CORO2A: variants seen among roughly 807,000 people sequenced by gnomAD.
CORO2A encodes coronin 2A.
A neutral mutation model predicts 62.4 loss-of-function variants in CORO2A; 47 were observed. That is an observed-to-expected ratio of 0.75 (90% CI 0.60 to 0.96). CORO2A has a LOEUF of 0.96. CORO2A is among the 40% of genes least tolerant of loss of function. CORO2A has a pLI of 0.00. For synonymous variants in CORO2A, 273 were observed against 268.9 expected (o/e 1.02, Z -0.15); for missense variants, 610 against 684.1 (o/e 0.89, Z 1.21).
intron 2 of CORO2A, among the ~76,000 whole-genome samples, chr9:98,146,409 G>T (rs759625733): frequency 1.6e-4 from 25 of 152,196 alleles, no homozygotes; most frequent in Non-Finnish European, 3.1e-4. Context: ...ACAGGCAAGA[G>T]GGAGGGACCC....
At chr9:98,163,659 AG>A (rs1827917990) in intron 1 of CORO2A, among the ~76,000 whole-genome samples, 1 of 151,980 alleles carries the variant, frequency 6.6e-6, no homozygotes. Flanking sequence ...GGACTAGTTG[AG>A]AGACCCCTCT....
intron 6 of CORO2A, among the ~76,000 whole-genome samples, 198 bp downstream of exon 6, chr9:98,131,986 TG>T (rs1268436499): frequency 2.6e-5 from 4 of 152,056 alleles, no homozygotes; most frequent in Non-Finnish European, 5.9e-5. Flanking sequence ...TCTCCCTCCT[TG>T]GGTGGCAAGA....
chr9:98,180,092 C>G (rs998928996), intron 1 of CORO2A, among the ~76,000 whole-genome samples: 1 of 152,184 alleles, frequency 6.6e-6, no homozygotes, highest in Non-Finnish European at 1.5e-5. Context: ...CAATTCTAAA[C>G]AACGTCAGTG....
chr9:98,142,446 C>T (rs1300189683), intron 2 of CORO2A, among the ~76,000 whole-genome samples: 1 of 152,130 alleles, frequency 6.6e-6, no homozygotes, highest in Non-Finnish European at 1.5e-5. Flanking sequence ...ACAGCCTTTC[C>T]TTTCTCTGGG....
At chr9:98,131,236 A>C (rs1164662705) in intron 6 of CORO2A, among the ~76,000 whole-genome samples, 177 bp from the exon 7 acceptor site, 6 of 151,930 alleles carry the variant, frequency 3.9e-5, no homozygotes, top group African/African-American at 1.5e-4. Flanking sequence ...CTTGAGTTCC[A>C]ATGTGTGGGC....
chr9:98,171,377 C>T (rs960811607), intron 1 of CORO2A, among the ~76,000 whole-genome samples: 7 of 152,304 alleles, frequency 4.6e-5, no homozygotes, highest in African/African-American at 1.7e-4. Flanking sequence ...GCCTCAGGGA[C>T]CTGGGGCCCA....
At chr9:98,160,250 T>C (rs965599562) in intron 1 of CORO2A, among the ~76,000 whole-genome samples, 1 of 151,802 alleles carries the variant, frequency 6.6e-6, no homozygotes, top group Non-Finnish European at 1.5e-5. Flanking sequence ...CTCACAAAAA[T>C]AGAACACAAG....
At position 98,140,442 on chromosome 9, in the gene CORO2A, G is replaced by GTT. The variant is rs751439267; in HGVS notation, c.202-2756_202-2755dup. ...CATCTGTGTAGAGACCACTGTACTTGTTTTTTTTTTTTTTAAGAGACAGGG... is the reference window on the plus strand; with the variant it reads ...CATCTGTGTAGAGACCACTGTACTTGTTTTTTTTTTTTTTTTAAGAGACAGGG... On this transcript the variant is annotated intron_variant, in intron 2 of 11. Transcript: ENST00000375077. Among the ~76,000 whole-genome samples, 7 of 141,400 alleles carry GTT rather than the reference G, an allele frequency of 5.0e-5. No individual in the cohort carries two copies. In the East Asian group the frequency reaches 6.2e-4, roughly 12 times the overall value. The allele number at this position is 141,400 out of a possible 152,430, so 92.8% of individuals were successfully genotyped here. A position where few individuals can be genotyped will look rare whatever the true frequency, so the allele number is the denominator to read the frequency against.
chr9:98,166,223 A>C (rs1332614765), intron 1 of CORO2A, among the ~76,000 whole-genome samples: 1 of 152,228 alleles, frequency 6.6e-6, no homozygotes, highest in Non-Finnish European at 1.5e-5. Flanking sequence ...TCAAAATGCA[A>C]CAAAGACCTA....
At chr9:98,129,178 C>A (rs1229938178) in intron 8 of CORO2A, among the ~76,000 whole-genome samples, 1 of 152,172 alleles carries the variant, frequency 6.6e-6, no homozygotes, top group Admixed American at 6.5e-5. Flanking sequence ...CCAGCTTTGG[C>A]CTCCCAAAGT....
intron 2 of CORO2A, 163 bp downstream of exon 2, chr9:98,157,297 T>C: frequency 1.5e-6 from 1 of 658,336 alleles, no homozygotes; most frequent in Non-Finnish European, 2.6e-6. Flanking sequence ...GGTGTATTTT[T>C]CCCAGTGAGG....
intron 2 of CORO2A, among the ~76,000 whole-genome samples, chr9:98,146,089 GC>G (rs1445255218): frequency 6.6e-6 from 1 of 152,130 alleles, no homozygotes; most frequent in Non-Finnish European, 1.5e-5. Context: ...TGTCCATTAG[GC>G]CCTCAGGCCC....
chr9:98,126,877 T>A, intron 10 of CORO2A, 54 bp from the exon 11 acceptor site: 1 of 1,585,564 alleles, frequency 6.3e-7, no homozygotes, highest in Non-Finnish European at 8.7e-7. Context: ...AAGATGGGCA[T>A]ATGGGGCACC....
intron 2 of CORO2A, among the ~76,000 whole-genome samples, chr9:98,151,578 T>G (rs967521223): frequency 6.6e-6 from 1 of 152,218 alleles, no homozygotes; most frequent in Admixed American, 6.5e-5. Flanking sequence ...ACATGTTCTT[T>G]TGGGTTCTAT....
At chr9:98,171,455 G>A (rs1828033145) in intron 1 of CORO2A, among the ~76,000 whole-genome samples, 1 of 152,224 alleles carries the variant, frequency 6.6e-6, no homozygotes, top group Non-Finnish European at 1.5e-5. Context: ...CTGTAGGGGA[G>A]ATGCATGGGC....
intron 1 of CORO2A, among the ~76,000 whole-genome samples, chr9:98,192,028 G>C (rs934899411): frequency 6.6e-6 from 1 of 152,218 alleles, no homozygotes; most frequent in Non-Finnish European, 1.5e-5. Context: ...TTGGCGGGCC[G>C]GCTGATGCCC....
chr9:98,172,540 A>G (rs1312784282), intron 1 of CORO2A: 1 of 145,498 alleles, frequency 6.9e-6, no homozygotes, highest in African/African-American at 2.6e-5. Context: ...CCCATGCCTC[A>G]CTTCCAAGCT....
intron 1 of CORO2A, among the ~76,000 whole-genome samples, chr9:98,166,766 C>T (rs1827966403): frequency 6.6e-6 from 1 of 152,114 alleles, no homozygotes; most frequent in Non-Finnish European, 1.5e-5. Context: ...GTGGAATCAA[C>T]CCAAGTGTCC....
intron 1 of CORO2A, among the ~76,000 whole-genome samples, chr9:98,181,574 C>T (rs1392002039): frequency 6.6e-6 from 1 of 152,040 alleles, no homozygotes; most frequent in Non-Finnish European, 1.5e-5. Flanking sequence ...CCTCGGCGGC[C>T]ATTGTTCTAC....
Sources: allele counts gnomAD v4.1 joint callset (sites outside exome capture counted in the v4.1 genomes callset), GRCh38; gene constraint gnomAD v4.1.1; transcripts MANE v1.5; gene names NCBI Gene and HGNC (gene_info 2026-07-23, HGNC 2026-07-21).